Variants in RANBP17 observed in about 807,000 individuals in gnomAD.
RANBP17 encodes the protein RAN binding protein 17.
Under a neutral mutation model 141.2 loss-of-function variants are expected in RANBP17, and 158 were observed. The ratio of observed to expected loss-of-function variants is 1.12; its 90% confidence interval spans 0.98 to 1.28. The LOEUF is 1.28. Ranked by LOEUF, RANBP17 falls within the 50% of genes most tolerant of loss-of-function variation. RANBP17 has a pLI of 0.00. For missense variants in RANBP17, 1,438 were observed against 1,290.7 expected (o/e 1.11, Z -1.75); for synonymous variants, 430 against 450.0 (o/e 0.96, Z 0.56).
chr5:170,970,726 T>C (rs1776927556), intron 14 of RANBP17: 1 of 152,152 alleles, frequency 6.6e-6, no homozygotes, highest in Admixed American at 6.5e-5. Context: ...TTCTCTGCCT[T>C]ATTCTGCCAA....
chr5:171,006,743 T>TAA lies in RANBP17; in HGVS notation c.1710+38380_1710+38381dup, dbSNP rs59337087. ...ACATGTACTCTAAAACTTAAAGTAT[T>TAA]AAAAAAAAAAAAAAAGAATAGGTCG... On this transcript the variant is annotated intron_variant, in intron 14 of 27. Transcript: ENST00000523189. Among the ~76,000 whole-genome samples the TAA allele has an allele frequency of 7.9e-3, 1,136 of 142,942 alleles. 30 individuals are homozygous for TAA. Among genetic ancestry groups the TAA allele is most frequent in the Admixed American group, 0.04 (576 of 14,428 alleles). 93.8% of individuals were successfully genotyped at this position (142,942 alleles called of 152,430 possible).
intron 13 of RANBP17, among the ~76,000 whole-genome samples, chr5:170,957,781 T>G (rs757855384): frequency 3.3e-5 from 5 of 152,192 alleles, no homozygotes; most frequent in Non-Finnish European, 7.3e-5. Flanking sequence ...TGGGTACCAG[T>G]GGGAGTACTG....
rs768697196 is a variant in RANBP17, at chr5:171,183,408, TC to T, written c.2017del (p.Arg673AlafsTer3). The T allele has an allele frequency of 6.2e-7, 1 of 1,613,234 alleles. No homozygotes were observed. Among genetic ancestry groups the T allele is most frequent in the African/African-American group, 1.3e-5 (1 of 74,924 alleles). Reference sequence around the variant, plus strand: ...GAACAACCTTCTACACAGCGCTCACTCGCCTTCTGATGGTAGATCTGGGTAA... The same window carrying T: ...GAACAACCTTCTACACAGCGCTCACTGCCTTCTGATGGTAGATCTGGGTAA... ...CRTTFYTALT[R>X]LLMVDLGEDE... is the part of the protein sequence containing the mutation. On this transcript the variant is annotated frameshift_variant, in exon 18 of 28. Transcript: ENST00000523189. LOFTEE classifies it high-confidence loss of function.
intron 14 of RANBP17, among the ~76,000 whole-genome samples, chr5:170,972,672 T>C (rs1485445144): frequency 6.6e-6 from 1 of 152,194 alleles, no homozygotes; most frequent in African/African-American, 2.4e-5. Flanking sequence ...AATATTCTCA[T>C]GTCTGCATCC....
intron 5 of RANBP17, among the ~76,000 whole-genome samples, chr5:170,899,419 C>T (rs993127648): frequency 1.3e-5 from 2 of 152,270 alleles, no homozygotes; most frequent in East Asian, 3.9e-4. Context: ...AGATTTGGGG[C>T]TGAGATAATG....
In RANBP17 at chr5:171,265,661, C is replaced by A. The variant is rs377049632; in HGVS notation, c.2777-20C>A. 2.8e-5 allele frequency: 44 copies of A among 1,553,182 alleles called. No individual in the cohort carries two copies. The highest frequency in any genetic ancestry group is 4.0e-5 in the Admixed American group (2 of 49,710). On this transcript the variant is annotated intron_variant, in intron 24 of 27. Transcript: ENST00000523189. The stretch of plus-strand genomic sequence containing the variant: ...AAAACTTAAGTAATGCAAATGAATT[C>A]TTATTTACTATTTGTACAGATACAG...
In RANBP17 at chr5:171,241,094, C is replaced by T; in HGVS notation, c.2589C>T (p.Leu863=). 1.9e-6 allele frequency: 3 copies of T among 1,613,818 alleles called. No individual in the cohort carries two copies. Among genetic ancestry groups the T allele is most frequent in the Non-Finnish European group, 2.5e-6 (3 of 1,179,888 alleles). ...LYGDNHFDNV[L]QAFVKMLLSV... ...GGGACAACCATTTTGACAATGTACT[C>T]CAGGCTTTTGTCAAAATGCTGCTGT... is the stretch of plus-strand genomic sequence containing the variant. The change falls in exon 23 of 28, where the codon CTC becomes CTT. Residue 863 remains leucine (L), a synonymous_variant. Transcript: ENST00000523189.
chr5:170,972,385 T>C (rs1581275109), intron 14 of RANBP17, among the ~76,000 whole-genome samples: 2 of 152,100 alleles, frequency 1.3e-5, no homozygotes. Context: ...GGTTTCACCA[T>C]GTTGGCCAGG....
chr5:171,266,975 A>G (rs1268960060), intron 25 of RANBP17, among the ~76,000 whole-genome samples: 1 of 151,910 alleles, frequency 6.6e-6, no homozygotes, highest in African/African-American at 2.4e-5. Flanking sequence ...AAAATATTTC[A>G]AAAAGAACAA....
chr5:170,968,544 A>G, intron 14 of RANBP17, 167 bp downstream of exon 14: 1 of 680,114 alleles, frequency 1.5e-6, no homozygotes, highest in Non-Finnish European at 2.6e-6. Context: ...CTTGTTTTAT[A>G]CCTAGTTTAC....
intron 25 of RANBP17, among the ~76,000 whole-genome samples, chr5:171,293,389 G>A (rs1278673640): frequency 1.3e-5 from 2 of 152,162 alleles, no homozygotes; most frequent in Admixed American, 6.5e-5. Flanking sequence ...GAGAAACCTC[G>A]AACAGCCTAA....
At chr5:171,146,720 T>C (rs1758052445) in intron 14 of RANBP17, among the ~76,000 whole-genome samples, 1 of 152,210 alleles carries the variant, frequency 6.6e-6, no homozygotes, top group Non-Finnish European at 1.5e-5. Flanking sequence ...GCTCAGTCTT[T>C]ATATCCCCCT....
chr5:170,933,883 A>G (rs1049960414), intron 12 of RANBP17, among the ~76,000 whole-genome samples: 5 of 152,154 alleles, frequency 3.3e-5, no homozygotes, highest in Non-Finnish European at 7.3e-5. Context: ...AGAAGAATGT[A>G]TATTCTGTTG....
intron 24 of RANBP17, among the ~76,000 whole-genome samples, chr5:171,265,281 T>A (rs1766597916): frequency 6.6e-6 from 1 of 152,184 alleles, no homozygotes; most frequent in South Asian, 2.1e-4. Context: ...ATGCCTATAA[T>A]CCCAGCACCT....
At position 170,862,066 on chromosome 5, in the gene RANBP17, C is replaced by A; in HGVS notation, c.18+15C>A. 1 of 1,449,818 alleles carries A rather than the reference C, an allele frequency of 6.9e-7. No individual in the cohort carries two copies. 89.8% of individuals were successfully genotyped at this position (1,449,818 alleles called of 1,614,324 possible). A position where few individuals can be genotyped will look rare whatever the true frequency, so the allele number is the denominator to read the frequency against. The stretch of plus-strand genomic sequence containing the variant: ...TGCACTTCCAGGTCAGTGTGCTCTG[C>A]GCCGCGGGCCCGCGCTCCGCCACGC... On this transcript the variant is annotated intron_variant, in intron 1 of 27. Coordinates refer to ENST00000523189, the MANE Select transcript of RANBP17 (RefSeq NM_022897.5).
chr5:171,213,496 T>C, intron 20 of RANBP17, 135 bp from the exon 21 acceptor site: 1 of 654,400 alleles, frequency 1.5e-6, no homozygotes, highest in Non-Finnish European at 2.7e-6. Context: ...CATTGTATAG[T>C]ATAGACATAG....
intron 14 of RANBP17, among the ~76,000 whole-genome samples, chr5:171,024,370 T>G (rs1781092517): frequency 6.6e-6 from 1 of 152,144 alleles, no homozygotes; most frequent in South Asian, 2.1e-4. Flanking sequence ...TAAATAAGGT[T>G]TTATGGGAAT....
chr5:170,953,449 G>A (rs1444457262), intron 12 of RANBP17, 148 bp from the exon 13 acceptor site: 12 of 555,866 alleles, frequency 2.2e-5, no homozygotes, highest in Non-Finnish European at 3.8e-5. Flanking sequence ...ACTTAAAACC[G>A]ATCTGCTTTC....
intron 14 of RANBP17, among the ~76,000 whole-genome samples, chr5:171,060,965 T>A (rs2127671735): frequency 6.6e-6 from 1 of 150,404 alleles, no homozygotes; most frequent in East Asian, 2.0e-4. Context: ...GTGTTTAGTA[T>A]TCTCTGATGG....
Sources: allele counts gnomAD v4.1 joint callset (sites outside exome capture counted in the v4.1 genomes callset), GRCh38; gene constraint gnomAD v4.1.1; transcripts MANE v1.5; gene names NCBI Gene and HGNC (gene_info 2026-07-23, HGNC 2026-07-21).